SLC25A40: variants seen among roughly 807,000 people sequenced by gnomAD.
SLC25A40 encodes mitochondrial glutathione transporter SLC25A40.
A neutral mutation model predicts 46.5 loss-of-function variants in SLC25A40; 41 were observed. That is an observed-to-expected ratio of 0.88 (90% CI 0.69 to 1.14). The LOEUF (loss-of-function observed/expected upper bound fraction) is 1.14. Among genes scored for constraint, SLC25A40 ranks in the 50% most tolerant of loss-of-function variants. SLC25A40 has a pLI of 0.00. For missense variants in SLC25A40, 386 were observed against 393.6 expected (o/e 0.98, Z 0.16); for synonymous variants, 126 against 127.5 (o/e 0.99, Z 0.08).
intron 1 of SLC25A40, among the ~76,000 whole-genome samples, chr7:87,869,246 C>T (rs1203203017): frequency 6.6e-6 from 1 of 152,174 alleles, no homozygotes; most frequent in Non-Finnish European, 1.5e-5. Context: ...GCCCCTCTGG[C>T]TGGGTGTGGT....
At position 87,866,067 on chromosome 7, in the gene SLC25A40, A is replaced by G. The variant is rs370729068; in HGVS notation, c.-93-5427T>C. ...CACTGTACTCCAGCCGAGGCAATAG[A>G]ACAAAACCCTCTCTAGGAAAAAAAA... On this transcript the variant is annotated intron_variant, in intron 1 of 11. Transcript: ENST00000341119. Among the ~76,000 whole-genome samples the G allele has an allele frequency of 1.8e-4, 27 of 151,724 alleles. No homozygotes were observed. In the East Asian group the frequency reaches 4.9e-3, roughly 27 times the overall value.
intron 1 of SLC25A40, among the ~76,000 whole-genome samples, chr7:87,866,948 G>A (rs1042727747): frequency 6.6e-6 from 1 of 152,350 alleles, no homozygotes; most frequent in South Asian, 2.1e-4. Flanking sequence ...TCTGGGCCGT[G>A]AGCAAGCCTC....
chr7:87,837,441 T>C (rs981083940), intron 10 of SLC25A40, among the ~76,000 whole-genome samples: 2 of 151,294 alleles, frequency 1.3e-5, no homozygotes, highest in Admixed American at 1.3e-4. Flanking sequence ...TCTGAATGGA[T>C]ACGCTATTCT....
intron 8 of SLC25A40, among the ~76,000 whole-genome samples, chr7:87,846,693 C>T (rs555663280): frequency 8.6e-5 from 13 of 151,966 alleles, no homozygotes; most frequent in African/African-American, 2.9e-4. Context: ...AGTTTGCATT[C>T]TCTGAATATG....
intron 9 of SLC25A40, among the ~76,000 whole-genome samples, chr7:87,842,660 T>A (rs1195149686): frequency 6.6e-6 from 1 of 152,098 alleles, no homozygotes; most frequent in Admixed American, 6.6e-5. Flanking sequence ...CTTTCTAAAA[T>A]GAGGTGGTTT....
At chr7:87,844,405 TA>T (rs750155777) in intron 8 of SLC25A40, among the ~76,000 whole-genome samples, 1 of 152,006 alleles carries the variant, frequency 6.6e-6, no homozygotes, top group Non-Finnish European at 1.5e-5. Flanking sequence ...AACCTAGAAG[TA>T]AAAGGAAACT....
At chr7:87,858,906 C>A (rs7798074) in intron 2 of SLC25A40, among the ~76,000 whole-genome samples, 155 bp from the exon 3 acceptor site, 21,635 of 152,032 alleles carry the variant, frequency 0.14, 2,500 homozygotes, top group African/African-American at 0.32. Flanking sequence ...CAGGTGACCA[C>A]TAAGTCTGAG....
chr7:87,872,177 T>C (rs1319773530), intron 1 of SLC25A40, among the ~76,000 whole-genome samples: 2 of 152,226 alleles, frequency 1.3e-5, no homozygotes, highest in Admixed American at 6.5e-5. Context: ...CTTCTTACTT[T>C]TGTGGGTTTG....
chr7:87,839,170 A>G (rs1420063384), intron 10 of SLC25A40, among the ~76,000 whole-genome samples: 1 of 151,472 alleles, frequency 6.6e-6, no homozygotes. Flanking sequence ...ATCCTCCCCA[A>G]CAGTGTAATT....
At chr7:87,851,709 CTG>C (rs1313974803) in intron 5 of SLC25A40, among the ~76,000 whole-genome samples, 3 of 152,210 alleles carry the variant, frequency 2.0e-5, no homozygotes, top group Non-Finnish European at 4.4e-5. Flanking sequence ...TTCCCTCACA[CTG>C]TGTGTCAATA....
In SLC25A40 at chr7:87,846,997, G is replaced by C. The variant is rs764777748; in HGVS notation, c.583C>G (p.Leu195Val). ...KKVSEDGWISLWRGWAPTVLR... is the reference protein window; with the variant it reads ...KKVSEDGWISVWRGWAPTVLR... ...ACAGTAGGAGCCCAGCCCCTCCAAA[G>C]GGAAATCCAACCATCTTCAGATACT... The change falls in exon 8 of 12, where the codon CTT becomes GTT. Residue 195 changes from leucine to valine, a missense_variant. Physicochemically the swap from Leu to Val is conservative, Grantham distance 32. Coordinates refer to ENST00000341119, the MANE Select transcript of SLC25A40 (RefSeq NM_018843.4). The C allele has an allele frequency of 6.2e-7, 1 of 1,613,662 alleles. No homozygotes were observed. The highest frequency in any genetic ancestry group is 8.5e-7 in the Non-Finnish European group (1 of 1,179,764).
At chr7:87,872,543 A>T (rs537943971) in intron 1 of SLC25A40, among the ~76,000 whole-genome samples, 6 of 152,242 alleles carry the variant, frequency 3.9e-5, no homozygotes, top group Non-Finnish European at 7.3e-5. Context: ...AGGCTTGAGC[A>T]AGCCTTTCAA....
At chr7:87,867,250 T>C (rs1448858347) in intron 1 of SLC25A40, among the ~76,000 whole-genome samples, 2 of 152,242 alleles carry the variant, frequency 1.3e-5, no homozygotes, top group Non-Finnish European at 1.5e-5. Flanking sequence ...ATTTGGTCTT[T>C]TGAAGTAATT....
In SLC25A40 at chr7:87,857,957, T is replaced by C. The variant is rs146173849; in HGVS notation, c.97+674A>G. Among the ~76,000 whole-genome samples, 439 of 152,294 alleles carry C rather than the reference T, an allele frequency of 2.9e-3. 3 individuals are homozygous for C. Among genetic ancestry groups the C allele is most frequent in the African/African-American group, 9.9e-3 (410 of 41,568 alleles). ...TTATTTTCCTAGCAAGGAATATTAA[T>C]AATTCATACCCTGGGGAAGGAATGC... On this transcript the variant is annotated intron_variant, in intron 3 of 11. Coordinates refer to ENST00000341119, the MANE Select transcript of SLC25A40 (RefSeq NM_018843.4).
At chr7:87,844,001 T>C (rs1562742637) in intron 8 of SLC25A40, 138 bp from the exon 9 acceptor site, 3 of 1,320,242 alleles carry the variant, frequency 2.3e-6, no homozygotes, top group Non-Finnish European at 2.9e-6. Context: ...AGACACCCAC[T>C]AGGGTGGGAT....
intron 10 of SLC25A40, among the ~76,000 whole-genome samples, chr7:87,838,497 A>G (rs1838287537): frequency 6.6e-6 from 1 of 151,574 alleles, no homozygotes; most frequent in South Asian, 2.1e-4. Flanking sequence ...TTGTAAAGAA[A>G]CACTTTTATT....
chr7:87,857,938 T>C (rs1838639274), intron 3 of SLC25A40, among the ~76,000 whole-genome samples: 1 of 152,192 alleles, frequency 6.6e-6, no homozygotes, highest in South Asian at 2.1e-4. Flanking sequence ...TAAATTATTT[T>C]CCTAGCAAGG....
chr7:87,844,518 G>A (rs1047476253), intron 8 of SLC25A40, among the ~76,000 whole-genome samples: 5 of 152,126 alleles, frequency 3.3e-5, no homozygotes, highest in African/African-American at 1.2e-4. Flanking sequence ...AAATGATGGG[G>A]ATGTTCATTA....
chr7:87,843,709 A>G (rs113177742), intron 9 of SLC25A40, 45 bp downstream of exon 9: 1 of 1,456,066 alleles, frequency 6.9e-7, no homozygotes, highest in Non-Finnish European at 9.6e-7. Context: ...GTTTTAATAC[A>G]ACAATTATTC....
Sources: gnomAD v4.1 joint callset for allele counts (sites outside exome capture counted in the v4.1 genomes callset) on GRCh38, gnomAD v4.1.1 for gene constraint, MANE v1.5 for transcripts, NCBI Gene and HGNC (gene_info 2026-07-23, HGNC 2026-07-21) for gene names.